The following CNTNAP2 variants were observed in gnomAD, a reference collection of about 807,000 sequenced individuals.
CNTNAP2 encodes contactin associated protein 2.
In CNTNAP2, 98 loss-of-function variants were observed where a neutral mutation model predicts 155.2. The ratio of observed to expected loss-of-function variants is 0.63; its 90% CI spans 0.54 to 0.75. The LOEUF is 0.75. CNTNAP2 is among the 30% of genes least tolerant of loss of function. The pLI is 0.00. For missense variants in CNTNAP2, 1,727 were observed against 1,688.1 expected, an observed-to-expected ratio of 1.02 and a Z score of -0.40; for synonymous variants, 651 against 631.2, an observed-to-expected ratio of 1.03 and a Z score of -0.47.
At chr7:147,072,935 C>T (rs941011658) in intron 4 of CNTNAP2, among the ~76,000 whole-genome samples, 2 of 143,448 alleles carry the variant, frequency 1.4e-5, no homozygotes, top group African/African-American at 5.3e-5. Flanking sequence ...TCACTGCAAG[C>T]TCCACCTCCT....
chr7:148,325,981 G>C (rs1188713948), intron 21 of CNTNAP2, among the ~76,000 whole-genome samples: 3 of 152,118 alleles, frequency 2.0e-5, no homozygotes, highest in South Asian at 2.1e-4. Flanking sequence ...ATACCCTCCA[G>C]TACCTCCTTC....
At chr7:147,940,934 A>G (rs1800710021) in intron 14 of CNTNAP2, among the ~76,000 whole-genome samples, 1 of 152,242 alleles carries the variant, frequency 6.6e-6, no homozygotes, top group African/African-American at 2.4e-5. Flanking sequence ...TGAAGCAACT[A>G]GTATAAAAAG....
chr7:146,244,997 T>C (rs1470026171), intron 1 of CNTNAP2, among the ~76,000 whole-genome samples: 3 of 152,108 alleles, frequency 2.0e-5, no homozygotes, highest in Non-Finnish European at 2.9e-5. Context: ...GATGGAACAC[T>C]GAGAAGTTAT....
chr7:146,726,930 G>A (rs115793980), intron 1 of CNTNAP2, among the ~76,000 whole-genome samples: 5,030 of 152,006 alleles, frequency 0.033, 103 homozygotes, highest in Middle Eastern at 0.061. Context: ...ACACAGTCAT[G>A]CCCATTAAAT....
intron 21 of CNTNAP2, among the ~76,000 whole-genome samples, chr7:148,297,165 AAAGGAAGGAAGGAAGGAAGG>A (rs141074994): frequency 7.8e-6 from 1 of 128,832 alleles, no homozygotes; most frequent in Non-Finnish European, 1.6e-5. Context: ...GAGATAGAGA[AAAGGAAGGAAGGAAGGAAGG>A]AAGGAAGGAA....
intron 8 of CNTNAP2, among the ~76,000 whole-genome samples, chr7:147,236,093 T>C (rs1419783353): frequency 6.6e-6 from 1 of 152,184 alleles, no homozygotes; most frequent in Non-Finnish European, 1.5e-5. Flanking sequence ...TATAAGCAAT[T>C]TCTTGTCACT....
intron 3 of CNTNAP2, among the ~76,000 whole-genome samples, chr7:147,005,586 A>G (rs749537060): frequency 1.3e-5 from 2 of 152,072 alleles, no homozygotes; most frequent in African/African-American, 4.8e-5. Flanking sequence ...CAACTGAAAC[A>G]AAGAAAGAAG....
intron 13 of CNTNAP2, among the ~76,000 whole-genome samples, chr7:147,656,685 A>G (rs1795529532): frequency 6.6e-6 from 1 of 152,226 alleles, no homozygotes; most frequent in Non-Finnish European, 1.5e-5. Flanking sequence ...AACAGATGTA[A>G]TAATAATGAA....
intron 13 of CNTNAP2, among the ~76,000 whole-genome samples, chr7:147,730,390 G>C (rs1272807884): frequency 3.3e-5 from 5 of 152,018 alleles, no homozygotes; most frequent in Admixed American, 3.3e-4. Context: ...TCATACCTCA[G>C]TGTCACATTT....
chr7:146,344,243 T>C (rs1196152023), intron 1 of CNTNAP2, among the ~76,000 whole-genome samples: 1 of 152,198 alleles, frequency 6.6e-6, no homozygotes, highest in Non-Finnish European at 1.5e-5. Flanking sequence ...CTAAACTATC[T>C]TTACTAGATT....
In CNTNAP2 at chr7:147,132,449, A is replaced by G; in HGVS notation, c.1288A>G (p.Lys430Glu). The G allele has an allele frequency of 6.2e-7, 1 of 1,613,698 alleles. No individual in the cohort carries two copies. The highest frequency in any genetic ancestry group is 8.5e-7 in the Non-Finnish European group (1 of 1,179,754). ...GNVEIDLTES[K>E]VGVHINITQT... ...TGTGGAGATTGACCTCACTGAAAGC[A>G]AAGTGGGTGTTCACATCAACATCAC... Residue 430 changes from lysine (K) to glutamate (E), a missense_variant, in exon 8 of 24, where the codon AAA becomes GAA. Lys to Glu is a moderately conservative substitution (Grantham distance 56). Coordinates refer to ENST00000361727, the MANE Select transcript of CNTNAP2 (RefSeq NM_014141.6).
chr7:146,349,746 A>G (rs1011107289), intron 1 of CNTNAP2, among the ~76,000 whole-genome samples: 1 of 152,136 alleles, frequency 6.6e-6, no homozygotes, highest in Non-Finnish European at 1.5e-5. Flanking sequence ...TTGGCTGGAT[A>G]TGAAATTCTG....
Position 147,808,434 on chromosome 7 carries a change from C to A in CNTNAP2, c.2099-95131C>A, listed in dbSNP as rs1313972476. Among the ~76,000 whole-genome samples the A allele has an allele frequency of 2.0e-5, 3 of 152,218 alleles. No homozygotes were observed. In the East Asian group the frequency reaches 5.8e-4, roughly 29 times the overall value. On this transcript the variant is annotated intron_variant, in intron 13 of 23. Coordinates refer to ENST00000361727, the MANE Select transcript of CNTNAP2 (RefSeq NM_014141.6). ...TGGCAACTATCTACTGCATTCCCTCCTCCTCAAATTACCTTATTCTTTCTA... is the reference window on the plus strand; with the variant it reads ...TGGCAACTATCTACTGCATTCCCTCATCCTCAAATTACCTTATTCTTTCTA...
At chr7:147,115,031 C>T (rs1800957568) in intron 5 of CNTNAP2, among the ~76,000 whole-genome samples, 1 of 152,148 alleles carries the variant, frequency 6.6e-6, no homozygotes, top group African/African-American at 2.4e-5. Flanking sequence ...TCAGCATTTG[C>T]TTGTCTGAAA....
chr7:146,683,754 C>T (rs924937200), intron 1 of CNTNAP2, among the ~76,000 whole-genome samples: 2 of 152,146 alleles, frequency 1.3e-5, no homozygotes, highest in African/African-American at 2.4e-5. Flanking sequence ...AGATATTAAG[C>T]CTATCACATG....
chr7:148,234,423 C>A (rs141650469), intron 20 of CNTNAP2, among the ~76,000 whole-genome samples: 1 of 152,266 alleles, frequency 6.6e-6, no homozygotes, highest in African/African-American at 2.4e-5. Context: ...ATGCTATGTA[C>A]CCACCATTGA....
chr7:147,586,297 T>C (rs1246960226), intron 12 of CNTNAP2, among the ~76,000 whole-genome samples: 3 of 151,584 alleles, frequency 2.0e-5, no homozygotes, highest in Admixed American at 6.6e-5. Context: ...CTATCAGTCT[T>C]AAGGTCTGTG....
chr7:146,197,998 C>A (rs116643907), intron 1 of CNTNAP2, among the ~76,000 whole-genome samples: 1 of 151,934 alleles, frequency 6.6e-6, no homozygotes. Context: ...AGAGAAGAGG[C>A]GGAGCTCCAG....
chr7:147,817,322 C>T (rs1406544002), intron 13 of CNTNAP2, among the ~76,000 whole-genome samples: 6 of 152,082 alleles, frequency 3.9e-5, no homozygotes, highest in Admixed American at 3.9e-4. Context: ...TTAGTATGCA[C>T]TAGACATGAT....
Sources: allele counts gnomAD v4.1 joint callset (sites outside exome capture counted in the v4.1 genomes callset), GRCh38; gene constraint gnomAD v4.1.1; transcripts MANE v1.5; gene names NCBI Gene and HGNC (gene_info 2026-07-23, HGNC 2026-07-21).